Variants in ENTREP2 observed in about 807,000 individuals in gnomAD.
ENTREP2 encodes the protein protein ENTREP2.
the ENTREP2 span, among the ~76,000 whole-genome samples, chr15:29,440,519 T>G: frequency 6.6e-6 from 1 of 152,216 alleles, no homozygotes; most frequent in East Asian, 1.9e-4. Context: ...AAGAAAATGG[T>G]TACTCCCAGG....
At chr15:29,549,275 A>ATTT in the ENTREP2 span, among the ~76,000 whole-genome samples, 4,091 of 148,470 alleles carry the variant, frequency 0.028, 187 homozygotes, top group African/African-American at 0.097. Context: ...TTTGTTATAC[A>ATTT]TTTTTTTTTT....
At chr15:29,146,911 G>A in the ENTREP2 span, among the ~76,000 whole-genome samples, 4 of 151,970 alleles carry the variant, frequency 2.6e-5, no homozygotes, top group African/African-American at 9.7e-5. Context: ...CTCCAGCCTG[G>A]GTGACAGAGC....
the ENTREP2 span, among the ~76,000 whole-genome samples, chr15:29,155,450 T>C: frequency 6.6e-6 from 1 of 152,154 alleles, no homozygotes; most frequent in Non-Finnish European, 1.5e-5. Context: ...CACTAATCCT[T>C]TCAGGCAGTT....
At chr15:29,600,898 C>CTTTTTTTTTTTTTTTTTTTTTT in the ENTREP2 span, among the ~76,000 whole-genome samples, 744 of 125,224 alleles carry the variant, frequency 5.9e-3, 117 homozygotes, top group East Asian at 0.013. Context: ...TATGATTTTT[C>CTTTTTTTTTTTTTTTTTTTTTT]TTTCTTTTTT....
the ENTREP2 span, among the ~76,000 whole-genome samples, chr15:29,229,512 A>G: frequency 6.6e-6 from 1 of 152,048 alleles, no homozygotes; most frequent in South Asian, 2.1e-4. Context: ...TCCTCAAACC[A>G]CTACTATCTG....
chr15:29,489,624 C>T, the ENTREP2 span, among the ~76,000 whole-genome samples: 29 of 152,302 alleles, frequency 1.9e-4, no homozygotes, highest in East Asian at 2.1e-3. Context: ...TAAATAAGAA[C>T]ATATGTATTT....
At chr15:29,161,378 G>C in the ENTREP2 span, among the ~76,000 whole-genome samples, 3 of 152,196 alleles carry the variant, frequency 2.0e-5, no homozygotes, top group Non-Finnish European at 4.4e-5. Flanking sequence ...AGACCCCAGG[G>C]CATGGGGAAC....
the ENTREP2 span, among the ~76,000 whole-genome samples, chr15:29,549,771 C>T: frequency 6.6e-6 from 1 of 152,182 alleles, no homozygotes; most frequent in Non-Finnish European, 1.5e-5. Flanking sequence ...CAGTCCCAGC[C>T]TAAATCCTCA....
At chr15:29,360,833 C>T in the ENTREP2 span, among the ~76,000 whole-genome samples, 2 of 152,180 alleles carry the variant, frequency 1.3e-5, no homozygotes, top group Non-Finnish European at 2.9e-5. Context: ...AGAGTATGTC[C>T]AGGAAGCACT....
At chr15:29,668,689 A>G in the ENTREP2 span, among the ~76,000 whole-genome samples, 290 of 152,278 alleles carry the variant, frequency 1.9e-3, 2 homozygotes, top group African/African-American at 6.6e-3. Context: ...CTGAACTGAA[A>G]AAGGAGCTTC....
At chr15:29,231,885 C>CTTTT in the ENTREP2 span, among the ~76,000 whole-genome samples, 186 of 129,920 alleles carry the variant, frequency 1.4e-3, 9 homozygotes, top group African/African-American at 3.3e-3. Flanking sequence ...GTTTTCTTTT[C>CTTTT]TTTTCTTTCT....
At chr15:29,611,415 A>G in the ENTREP2 span, among the ~76,000 whole-genome samples, 17 of 152,238 alleles carry the variant, frequency 1.1e-4, no homozygotes, top group Middle Eastern at 3.4e-3. Flanking sequence ...CACTTTGTAA[A>G]TGTAATTTTT....
chr15:29,185,450 C>A, the ENTREP2 span, among the ~76,000 whole-genome samples: 4 of 152,248 alleles, frequency 2.6e-5, no homozygotes, highest in African/African-American at 9.6e-5. Context: ...CAACGAAGGG[C>A]ACCCATTTGA....
chr15:29,452,238 G>A, the ENTREP2 span, among the ~76,000 whole-genome samples: 1 of 152,140 alleles, frequency 6.6e-6, no homozygotes, highest in African/African-American at 2.4e-5. Context: ...GGCACCTGGT[G>A]CTGACAGCCC....
At chr15:29,600,368 T>C in the ENTREP2 span, among the ~76,000 whole-genome samples, 1 of 152,116 alleles carries the variant, frequency 6.6e-6, no homozygotes. Flanking sequence ...CCCACTTTCC[T>C]AGAATGCCAC....
At chr15:29,324,811 G>T in the ENTREP2 span, among the ~76,000 whole-genome samples, 2 of 152,162 alleles carry the variant, frequency 1.3e-5, no homozygotes, top group Non-Finnish European at 2.9e-5. Flanking sequence ...TATTATAGTT[G>T]AAGACTTCAA....
chr15:29,646,814 G>A, the ENTREP2 span, among the ~76,000 whole-genome samples: 2 of 152,110 alleles, frequency 1.3e-5, no homozygotes, highest in African/African-American at 4.8e-5. Context: ...GAGACACAAA[G>A]GCCTATTTCT....
chr15:29,254,843 AAAAC>A, the ENTREP2 span, among the ~76,000 whole-genome samples: 28 of 152,314 alleles, frequency 1.8e-4, no homozygotes, highest in South Asian at 8.3e-4. Context: ...AGACTCCGTC[AAAAC>A]AAACAAACAA....
chr15:29,429,759 G>A, the ENTREP2 span, among the ~76,000 whole-genome samples: 3 of 152,188 alleles, frequency 2.0e-5, no homozygotes, highest in Admixed American at 1.3e-4. Context: ...AAGGAATACA[G>A]AGAAGCAGGT....
Sources: gnomAD v4.1 joint callset for allele counts (sites outside exome capture counted in the v4.1 genomes callset) on GRCh38, gnomAD v4.1.1 for gene constraint, MANE v1.5 for transcripts, NCBI Gene and HGNC (gene_info 2026-07-23, HGNC 2026-07-21) for gene names.